The following FAAH2 variants were observed in gnomAD, a reference collection of about 807,000 sequenced individuals.
FAAH2 encodes fatty acid amide hydrolase 2.
FAAH2 carries 60 observed loss-of-function variants against 36.9 expected under a neutral mutation model. The observed-to-expected ratio is 1.63, with a 90% CI of 1.32 to 2.02. FAAH2 has a LOEUF of 2.02. FAAH2 is among the 30% of genes most tolerant of loss of function. The probability of loss-of-function intolerance (pLI) is 0.00; values close to 1 mark genes in which losing one functional copy is unlikely to be tolerated. For missense variants in FAAH2, 689 were observed against 397.5 expected (o/e 1.73, Z -6.23); for synonymous variants, 214 against 143.8 (o/e 1.49, Z -3.49).
the FAAH2 span, among the ~76,000 whole-genome samples, chrX:57,194,576 ATTT>A: frequency 1.8e-5 from 2 of 109,058 alleles, no homozygotes; most frequent in Admixed American, 9.8e-5. Flanking sequence ...TTTTATTAAG[ATTT>A]ATTTATTTAT....
At chrX:57,240,181 G>C in the FAAH2 span, among the ~76,000 whole-genome samples, 1 of 111,108 alleles carries the variant, frequency 9.0e-6, no homozygotes, top group Non-Finnish European at 1.9e-5. Flanking sequence ...CTTTGAAGTC[G>C]CTCTTCTTTG....
chrX:57,265,728 C>T, the FAAH2 span, among the ~76,000 whole-genome samples: 1 of 111,730 alleles, frequency 9.0e-6, no homozygotes, highest in African/African-American at 3.3e-5. Context: ...AGGAGTGGAC[C>T]ATTATCTTTG....
intron 10 of FAAH2, among the ~76,000 whole-genome samples, chrX:57,481,569 G>A (rs1160328280): frequency 8.9e-6 from 1 of 111,969 alleles, no homozygotes; most frequent in African/African-American, 3.2e-5. Context: ...CACCAGTGGA[G>A]GCTGTAGAAC....
the FAAH2 span, among the ~76,000 whole-genome samples, chrX:57,189,027 A>T: frequency 9.0e-6 from 1 of 111,377 alleles, no homozygotes; most frequent in Non-Finnish European, 1.9e-5. Context: ...GACCCCAGTC[A>T]ATTGTAGGTT....
chrX:57,246,684 A>G, the FAAH2 span, among the ~76,000 whole-genome samples: 1 of 112,396 alleles, frequency 8.9e-6, no homozygotes, highest in Non-Finnish European at 1.9e-5. Context: ...ATGCTTTGTT[A>G]TTATTCAATA....
chrX:57,141,308 T>C, the FAAH2 span, among the ~76,000 whole-genome samples: 6 of 112,369 alleles, frequency 5.3e-5, no homozygotes, highest in Non-Finnish European at 1.1e-4. Flanking sequence ...GTGAATGATC[T>C]TTGAAATTTG....
At chrX:57,219,409 G>A in the FAAH2 span, among the ~76,000 whole-genome samples, 3 of 111,901 alleles carry the variant, frequency 2.7e-5, no homozygotes, top group Non-Finnish European at 5.6e-5. Context: ...GGCCACAGCA[G>A]CTGGACAAAG....
At chrX:57,290,721 G>T (rs2051952139) in intron 1 of FAAH2, among the ~76,000 whole-genome samples, 1 of 110,555 alleles carries the variant, frequency 9.0e-6, no homozygotes, top group Non-Finnish European at 1.9e-5. Flanking sequence ...TAAAAAAATT[G>T]CTTTATTTTT....
chrX:57,205,964 A>C, the FAAH2 span, among the ~76,000 whole-genome samples: 2 of 111,917 alleles, frequency 1.8e-5, no homozygotes, highest in Admixed American at 9.5e-5. Flanking sequence ...CCAAATAAGG[A>C]GTTAGAGTCT....
the FAAH2 span, among the ~76,000 whole-genome samples, chrX:57,190,605 G>A: frequency 9.0e-6 from 1 of 110,673 alleles, no homozygotes; most frequent in Non-Finnish European, 1.9e-5. Flanking sequence ...TATCTGGGCT[G>A]GATAGTGCAG....
At chrX:57,415,132 G>C (rs1382650831) in intron 7 of FAAH2, among the ~76,000 whole-genome samples, 1 of 107,619 alleles carries the variant, frequency 9.3e-6, no homozygotes, top group Non-Finnish European at 1.9e-5. Flanking sequence ...TTCTTTATTA[G>C]TCTGGCTAGC....
chrX:57,383,835 T>C, intron 7 of FAAH2, among the ~76,000 whole-genome samples: 1 of 111,920 alleles, frequency 8.9e-6, no homozygotes, highest in Middle Eastern at 4.6e-3. Context: ...TTGAAGTTCA[T>C]ATGGAACCAA....
chrX:57,258,728 A>G, the FAAH2 span, among the ~76,000 whole-genome samples: 2 of 74,382 alleles, frequency 2.7e-5, no homozygotes, highest in Non-Finnish European at 4.7e-5. Context: ...TTTTTTTTTG[A>G]GACAGAGTCT....
intron 10 of FAAH2, among the ~76,000 whole-genome samples, chrX:57,485,730 CTATT>C (rs1451755018): frequency 2.7e-5 from 3 of 111,891 alleles, no homozygotes; most frequent in Non-Finnish European, 3.8e-5. Context: ...TCATAGATCT[CTATT>C]TATTCAGGGT....
In FAAH2 at chrX:57,378,612, C is replaced by T. The variant is rs190016121; in HGVS notation, c.743-39C>T. 2.5e-6 allele frequency: 3 copies of T among 1,206,034 alleles called. No homozygotes were observed. The South Asian group carries it at 5.3e-5, about 21-fold the overall frequency. On this transcript the variant is annotated intron_variant, in intron 5 of 10. Transcript: ENST00000374900. Reference sequence around the variant, plus strand: ...GAAATACAACATGCAGGGATCATGTCTTATTTTGGGCGGCTAACCTGACTG... The same window carrying T: ...GAAATACAACATGCAGGGATCATGTTTTATTTTGGGCGGCTAACCTGACTG...
At chrX:57,331,467 C>A in intron 3 of FAAH2, 131 bp from the exon 4 acceptor site, 1 of 504,369 alleles carries the variant, frequency 2.0e-6, no homozygotes, top group South Asian at 3.4e-5. Context: ...GTGTGCCAGT[C>A]TTTCCAATGC....
chrX:57,330,478 C>T (rs2053370065), intron 3 of FAAH2, among the ~76,000 whole-genome samples: 2 of 111,772 alleles, frequency 1.8e-5, no homozygotes, highest in African/African-American at 6.5e-5. Flanking sequence ...CCCGAAACTT[C>T]ATTAGCAATT....
intron 5 of FAAH2, among the ~76,000 whole-genome samples, chrX:57,349,104 ATG>A (rs1324545429): frequency 1.0e-5 from 1 of 96,635 alleles, no homozygotes; most frequent in African/African-American, 3.7e-5. Context: ...TATATATATA[ATG>A]TATATGTGTA....
At chrX:57,157,349 GA>G in the FAAH2 span, among the ~76,000 whole-genome samples, 2 of 111,842 alleles carry the variant, frequency 1.8e-5, no homozygotes, top group Admixed American at 1.9e-4. Flanking sequence ...TCGAGGCCCT[GA>G]GCTACTTTAG....
Sources: allele counts gnomAD v4.1 joint callset (sites outside exome capture counted in the v4.1 genomes callset), GRCh38; gene constraint gnomAD v4.1.1; transcripts MANE v1.5; gene names NCBI Gene and HGNC (gene_info 2026-07-23, HGNC 2026-07-21).